The following EIF3K variants were observed in gnomAD, a reference collection of about 807,000 sequenced individuals.
The protein encoded by EIF3K is eIF-3 p28.
In EIF3K, 27 loss-of-function variants were observed where a neutral mutation model predicts 34.2. The ratio of observed to expected loss-of-function variants is 0.79; its 90% CI spans 0.58 to 1.09. EIF3K has a LOEUF of 1.09. EIF3K is among the 50% of genes least tolerant of loss of function. EIF3K has a pLI of 0.00. For synonymous variants in EIF3K, 105 were observed against 105.7 expected, an observed-to-expected ratio of 0.99 and a Z score of 0.04; for missense variants, 232 against 275.4, an observed-to-expected ratio of 0.84 and a Z score of 1.11.
chr19:38,630,323 G>C (rs1199691940), intron 4 of EIF3K, among the ~76,000 whole-genome samples: 1 of 149,628 alleles, frequency 6.7e-6, no homozygotes, highest in Non-Finnish European at 1.5e-5. Context: ...ACCACACCCG[G>C]TTTAATTATT....
chr19:38,629,180 A>G (rs1000162305), intron 4 of EIF3K, among the ~76,000 whole-genome samples: 1 of 152,240 alleles, frequency 6.6e-6, no homozygotes, highest in African/African-American at 2.4e-5. Flanking sequence ...TAGTTCTACA[A>G]CTGTTCTCAC....
intron 2 of EIF3K, among the ~76,000 whole-genome samples, chr19:38,623,284 G>A (rs1033295140): frequency 4.6e-5 from 7 of 152,182 alleles, no homozygotes; most frequent in African/African-American, 1.4e-4. Context: ...CGGTCCCTCC[G>A]TTTGGGGTCC....
chr19:38,626,717 C>T (rs1975958659), intron 4 of EIF3K, among the ~76,000 whole-genome samples: 1 of 152,220 alleles, frequency 6.6e-6, no homozygotes, highest in South Asian at 2.1e-4. Flanking sequence ...TGGCCCCCCA[C>T]TTCTGCAGCC....
chr19:38,624,999 A>G (rs1185612065), intron 3 of EIF3K, among the ~76,000 whole-genome samples: 4 of 152,120 alleles, frequency 2.6e-5, no homozygotes, highest in Non-Finnish European at 4.4e-5. Context: ...GGGAACATCT[A>G]AAACATAACG....
chr19:38,620,363 T>G lies in EIF3K; in HGVS notation c.86T>G (p.Leu29Arg). The G allele has an allele frequency of 1.9e-6, 3 of 1,614,046 alleles. No homozygotes were observed. Among genetic ancestry groups the G allele is most frequent in the Non-Finnish European group, 1.7e-6 (2 of 1,179,986 alleles). ...TACAATCCTGAGAACCTGGCCACCC[T>G]GGAGCGCTATGTAGAGACGCAGGCC... ...DRYNPENLATLERYVETQAKE... is the reference protein window; with the variant it reads ...DRYNPENLATRERYVETQAKE... The change falls in exon 2 of 8, where the codon CTG becomes CGG. Residue 29 changes from leucine (L) to arginine (R), a missense_variant. Physicochemically the swap from Leu to Arg is moderately radical, Grantham distance 102. Coordinates refer to ENST00000248342, the MANE Select transcript of EIF3K (RefSeq NM_013234.4).
chr19:38,624,199 T>C lies in EIF3K; in HGVS notation c.279+2T>C, dbSNP rs1177532273. The C allele has an allele frequency of 6.2e-7, 1 of 1,613,990 alleles. No individual in the cohort carries two copies. The highest frequency in any genetic ancestry group is 1.3e-5 in the African/African-American group (1 of 74,924). ...AAGTGCATGATCGACCAGGCACATG[T>C]ATCCTTCCAGCACTGGGGCCGGGGG... On this transcript the variant is annotated splice_donor_variant, in intron 3 of 7. Transcript: ENST00000248342. LOFTEE classifies it high-confidence loss of function.
chr19:38,621,282 G>T (rs534355085), intron 2 of EIF3K, among the ~76,000 whole-genome samples: 1 of 150,042 alleles, frequency 6.7e-6, no homozygotes, highest in African/African-American at 2.5e-5. Flanking sequence ...GCCCAGTGGC[G>T]CATGGCTGTA....
At chr19:38,622,286 T>C (rs963042248) in intron 2 of EIF3K, among the ~76,000 whole-genome samples, 1 of 152,160 alleles carries the variant, frequency 6.6e-6, no homozygotes, top group African/African-American at 2.4e-5. Flanking sequence ...TTCTTTTCTA[T>C]ATTCCTAAGC....
In EIF3K at chr19:38,632,524, C is replaced by T. The variant is rs896234246; in HGVS notation, c.421+28C>T. Reference sequence around the variant, plus strand: ...AAGTCCCTCTCTGAGGCTGGGCTCCCCAAGGGGAAGGGGTAGGGAGTGGCA... The same window carrying T: ...AAGTCCCTCTCTGAGGCTGGGCTCCTCAAGGGGAAGGGGTAGGGAGTGGCA... On this transcript the variant is annotated intron_variant, in intron 5 of 7. Transcript: ENST00000248342. 3 of 1,614,020 alleles carry T rather than the reference C, an allele frequency of 1.9e-6. No individual in the cohort carries two copies. The East Asian group carries it at 6.7e-5, about 36-fold the overall frequency.
intron 4 of EIF3K, among the ~76,000 whole-genome samples, chr19:38,630,339 A>AT (rs1489845622): frequency 0.018 from 2,477 of 135,798 alleles, 44 homozygotes; most frequent in South Asian, 0.055. Context: ...TTATTTATTT[A>AT]TTTATTTATT....
At chr19:38,626,573 G>A (rs1975955570) in intron 4 of EIF3K, among the ~76,000 whole-genome samples, 1 of 152,138 alleles carries the variant, frequency 6.6e-6, no homozygotes, top group Non-Finnish European at 1.5e-5. Flanking sequence ...ATCGCTTGAG[G>A]CTGCGAGTGA....
Position 38,620,447 on chromosome 19 carries a change from GCT to G in EIF3K, c.158+17_158+18del. On this transcript the variant is annotated intron_variant, in intron 2 of 7. Coordinates refer to ENST00000248342, the MANE Select transcript of EIF3K (RefSeq NM_013234.4). ...GCTGTCCTGAAGCTGTAAGTGTCTA[GCT>G]CTCTGTCTACACTCCCATTGCAGCA... 1 of 1,611,532 alleles carries G rather than the reference GCT, an allele frequency of 6.2e-7. No homozygotes were observed. The highest frequency in any genetic ancestry group is 8.5e-7 in the Non-Finnish European group (1 of 1,178,322).
intron 2 of EIF3K, among the ~76,000 whole-genome samples, chr19:38,621,231 G>A (rs934558504): frequency 6.7e-6 from 1 of 149,488 alleles, no homozygotes; most frequent in African/African-American, 2.5e-5. Context: ...TTACCAATTT[G>A]GGTGACATGG....
intron 2 of EIF3K, among the ~76,000 whole-genome samples, chr19:38,621,197 TAAAA>T (rs34987023): frequency 1.0e-3 from 126 of 120,068 alleles, no homozygotes; most frequent in African/African-American, 3.2e-3. Context: ...CCCCTCTTTT[TAAAA>T]AAAAAAAAAA....
At position 38,632,021 on chromosome 19, in the gene EIF3K, A is replaced by C. The variant is rs1240946380; in HGVS notation, c.355-409A>C. 2.0e-5 allele frequency: 4 copies of C among 195,720 alleles called. No individual in the cohort carries two copies. In the Admixed American group the frequency reaches 2.2e-4, roughly 11 times the overall value. The allele number at this position is 195,720 out of a possible 1,614,324, so 12.1% of individuals were successfully genotyped here. ...AAGAATTTTTCTTAGTACAGAATAA[A>C]ATGGAGTCTCCTGTGTCTACTTCTT... On this transcript the variant is annotated intron_variant, in intron 4 of 7. Transcript: ENST00000248342.
At position 38,626,046 on chromosome 19, in the gene EIF3K, C is replaced by G. The variant is rs375893694; in HGVS notation, c.298C>G (p.Arg100Gly). The part of the protein sequence containing the change: ...DQAHQEERPI[R>G]QILYLGDLLE... ...CTCCCAGCAAGAAGAACGGCCAATC[C>G]GACAGATTTTGTACCTCGGGGACCT... is the stretch of plus-strand genomic sequence containing the variant. Residue 100 changes from arginine to glycine, a missense_variant, in exon 4 of 8, where the codon CGA (arginine) becomes GGA (glycine). By Grantham distance (125) the Arg-to-Gly change is moderately radical. Coordinates refer to ENST00000248342, the MANE Select transcript of EIF3K (RefSeq NM_013234.4). The G allele has an allele frequency of 6.2e-6, 10 of 1,614,034 alleles. No homozygotes were observed. Among genetic ancestry groups the G allele is most frequent in the East Asian group, 2.2e-5 (1 of 44,880 alleles).
intron 2 of EIF3K, among the ~76,000 whole-genome samples, chr19:38,621,269 T>A (rs1201384828): frequency 6.7e-6 from 1 of 150,176 alleles, no homozygotes; most frequent in Non-Finnish European, 1.5e-5. Flanking sequence ...AAAAATTAGC[T>A]GGGCCCAGTG....
chr19:38,628,777 T>A (rs1976000445), intron 4 of EIF3K, among the ~76,000 whole-genome samples: 2 of 151,598 alleles, frequency 1.3e-5, no homozygotes, highest in South Asian at 2.1e-4. Context: ...TGAGCCGAGA[T>A]CATGCCATTG....
At chr19:38,631,069 C>T (rs1976054727) in intron 4 of EIF3K, 1 of 152,334 alleles carries the variant, frequency 6.6e-6, no homozygotes, top group Admixed American at 6.5e-5. Context: ...CCTCAGCCTC[C>T]CAAAGTGCTG....
Sources: allele counts gnomAD v4.1 joint callset (sites outside exome capture counted in the v4.1 genomes callset), GRCh38; gene constraint gnomAD v4.1.1; transcripts MANE v1.5; gene names NCBI Gene and HGNC (gene_info 2026-07-23, HGNC 2026-07-21).